GPC6: variants seen among roughly 807,000 people sequenced by gnomAD.
GPC6 encodes the protein glypican-6.
A neutral mutation model predicts 55.2 loss-of-function variants in GPC6; 14 were observed. That is an observed-to-expected ratio of 0.25 (90% CI 0.17 to 0.40). GPC6 has a LOEUF of 0.40. Among genes scored for constraint, GPC6 ranks in the 10% least tolerant of loss-of-function variants. The probability of loss-of-function intolerance (pLI) is 1.00; values close to 1 mark genes in which losing one functional copy is unlikely to be tolerated. For missense variants in GPC6, 641 were observed against 708.5 expected (o/e 0.90, Z 1.08); for synonymous variants, 278 against 259.6 (o/e 1.07, Z -0.68).
intron 4 of GPC6, among the ~76,000 whole-genome samples, chr13:94,253,514 G>C (rs968288962): frequency 6.6e-6 from 1 of 152,076 alleles, no homozygotes; most frequent in Non-Finnish European, 1.5e-5. Flanking sequence ...TTGCACCCAT[G>C]AGTTGAGAAA....
intron 2 of GPC6, among the ~76,000 whole-genome samples, chr13:93,771,243 A>G (rs9561440): frequency 3.9e-5 from 6 of 152,104 alleles, no homozygotes; most frequent in Non-Finnish European, 8.8e-5. Flanking sequence ...AACACAACCC[A>G]ACAAGGCCCA....
At chr13:94,048,248 T>C (rs1883801260) in intron 4 of GPC6, among the ~76,000 whole-genome samples, 1 of 151,880 alleles carries the variant, frequency 6.6e-6, no homozygotes, top group Non-Finnish European at 1.5e-5. Context: ...TAGTATTGAG[T>C]GCAGGAATGA....
intron 2 of GPC6, among the ~76,000 whole-genome samples, chr13:93,784,803 A>C (rs1885772044): frequency 6.6e-6 from 1 of 152,212 alleles, no homozygotes; most frequent in East Asian, 1.9e-4. Flanking sequence ...GCTGATTGTG[A>C]TATGGTGCCT....
intron 2 of GPC6, among the ~76,000 whole-genome samples, chr13:93,745,695 G>A (rs1018779055): frequency 6.6e-6 from 1 of 152,174 alleles, no homozygotes; most frequent in Non-Finnish European, 1.5e-5. Context: ...AGGATCAGGA[G>A]GGTAAGCAAC....
chr13:94,248,476 C>T (rs1891259855), intron 4 of GPC6, among the ~76,000 whole-genome samples: 1 of 151,978 alleles, frequency 6.6e-6, no homozygotes, highest in Non-Finnish European at 1.5e-5. Flanking sequence ...TATAATATGG[C>T]CAATGAATAA....
intron 2 of GPC6, among the ~76,000 whole-genome samples, chr13:93,798,460 A>C (rs1478238753): frequency 2.0e-5 from 3 of 152,286 alleles, no homozygotes; most frequent in Non-Finnish European, 4.4e-5. Context: ...ATTTTGTCCA[A>C]TTCAGTTAGA....
chr13:94,241,918 C>CT (rs1011547492), intron 4 of GPC6, among the ~76,000 whole-genome samples: 16 of 151,424 alleles, frequency 1.1e-4, no homozygotes, highest in African/African-American at 3.9e-4. Context: ...TATTTTTATT[C>CT]TTTTTTTATT....
At chr13:93,313,586 T>A (rs1433802953) in intron 1 of GPC6, among the ~76,000 whole-genome samples, 1 of 152,288 alleles carries the variant, frequency 6.6e-6, no homozygotes, top group Middle Eastern at 3.4e-3. Flanking sequence ...TCCACTCCGG[T>A]GTAACCCGTG....
intron 4 of GPC6, among the ~76,000 whole-genome samples, chr13:94,234,423 C>T (rs964870240): frequency 6.6e-6 from 1 of 151,532 alleles, no homozygotes; most frequent in Admixed American, 6.6e-5. Context: ...TGTTTCTTTT[C>T]TACATGTAAT....
chr13:93,953,090 G>A (rs1879344198), intron 3 of GPC6, among the ~76,000 whole-genome samples: 1 of 151,762 alleles, frequency 6.6e-6, no homozygotes, highest in East Asian at 1.9e-4. Flanking sequence ...TTTTGCTACA[G>A]TTTCCATTCA....
intron 1 of GPC6, among the ~76,000 whole-genome samples, chr13:93,533,935 A>G (rs1881959131): frequency 6.6e-6 from 1 of 151,996 alleles, no homozygotes; most frequent in Non-Finnish European, 1.5e-5. Flanking sequence ...GGATGATTTC[A>G]CCCTATTGGG....
chr13:94,195,846 G>A (rs1193744593), intron 4 of GPC6, among the ~76,000 whole-genome samples: 1 of 152,126 alleles, frequency 6.6e-6, no homozygotes, highest in Non-Finnish European at 1.5e-5. Flanking sequence ...TGTAGTTTAC[G>A]GGTGACTAAG....
rs560567433 is a variant in GPC6 at position 94,142,190 on chromosome 13, G to T, written c.877+114296G>T. Among the ~76,000 whole-genome samples, 3 of 152,148 alleles carry T rather than the reference G, an allele frequency of 2.0e-5. No individual in the cohort carries two copies. In the South Asian group the frequency reaches 6.2e-4, roughly 32 times the overall value. ...TAAAAGAATACACACCTATATACAC[G>T]TGTGTAATTGGCTGTTGAGATTTTA... On this transcript the variant is annotated intron_variant, in intron 4 of 8. Coordinates refer to ENST00000377047, the MANE Select transcript of GPC6 (RefSeq NM_005708.5).
chr13:93,472,676 A>G (rs1879162558), intron 1 of GPC6, among the ~76,000 whole-genome samples: 1 of 151,864 alleles, frequency 6.6e-6, no homozygotes, highest in Non-Finnish European at 1.5e-5. Context: ...AGGGCCACAA[A>G]CTCCTTCTCT....
intron 1 of GPC6, among the ~76,000 whole-genome samples, chr13:93,371,509 A>C (rs557214107): frequency 6.6e-6 from 1 of 152,268 alleles, no homozygotes; most frequent in South Asian, 2.1e-4. Context: ...GTTTCTTATA[A>C]TTCGACCTAG....
intron 1 of GPC6, among the ~76,000 whole-genome samples, chr13:93,350,793 C>T (rs1377258921): frequency 1.3e-5 from 2 of 152,154 alleles, no homozygotes; most frequent in African/African-American, 4.8e-5. Context: ...TATTAATTCA[C>T]CTTCCATTCA....
chr13:93,648,694 C>T (rs1302645958), intron 2 of GPC6, among the ~76,000 whole-genome samples: 3 of 152,170 alleles, frequency 2.0e-5, no homozygotes, highest in Admixed American at 6.5e-5. Context: ...CAGAATCCCA[C>T]GTATTTCAGT....
At chr13:94,277,773 C>G (rs1195055085) in intron 4 of GPC6, among the ~76,000 whole-genome samples, 1 of 152,124 alleles carries the variant, frequency 6.6e-6, no homozygotes, top group Non-Finnish European at 1.5e-5. Context: ...GGTCTCTGTT[C>G]TGTTCCATTG....
At chr13:94,088,581 G>A (rs1481559906) in intron 4 of GPC6, among the ~76,000 whole-genome samples, 42 of 113,572 alleles carry the variant, frequency 3.7e-4, no homozygotes, top group Admixed American at 3.0e-3. Context: ...GGAAGGGAGG[G>A]GAGGGGAGGG....
Sources: allele counts gnomAD v4.1 joint callset (sites outside exome capture counted in the v4.1 genomes callset), GRCh38; gene constraint gnomAD v4.1.1; transcripts MANE v1.5; gene names NCBI Gene and HGNC (gene_info 2026-07-23, HGNC 2026-07-21).